NOL4L: variants seen among roughly 807,000 people sequenced by gnomAD.
NOL4L encodes the protein nucleolar protein 4-like.
A neutral mutation model predicts 64.5 loss-of-function variants in NOL4L; 7 were observed. The observed-to-expected ratio is 0.11, with a 90% CI of 0.06 to 0.20. The LOEUF (loss-of-function observed/expected upper bound fraction) is 0.20. NOL4L is among the 10% of genes least tolerant of loss of function. The probability of loss-of-function intolerance (pLI) is 1.00; values close to 1 mark genes in which losing one functional copy is unlikely to be tolerated. For synonymous variants in NOL4L, 413 were observed against 401.0 expected, an observed-to-expected ratio of 1.03 and a Z score of -0.36; for missense variants, 680 against 967.1, an observed-to-expected ratio of 0.70 and a Z score of 3.94.
chr20:32,562,106 G>A (rs1317974047), intron 1 of NOL4L, among the ~76,000 whole-genome samples: 1 of 152,182 alleles, frequency 6.6e-6, no homozygotes, highest in Non-Finnish European at 1.5e-5. Flanking sequence ...ATGCCGTCAG[G>A]ACTATTTCAT....
intron 2 of NOL4L, among the ~76,000 whole-genome samples, chr20:32,522,849 G>A (rs1389708062): frequency 6.6e-6 from 1 of 152,224 alleles, no homozygotes; most frequent in African/African-American, 2.4e-5. Flanking sequence ...GAGGGCCCGG[G>A]GGAGGGTTGC....
At chr20:32,486,359 C>A (rs1043057495) in intron 4 of NOL4L, among the ~76,000 whole-genome samples, 2 of 152,210 alleles carry the variant, frequency 1.3e-5, no homozygotes, top group Admixed American at 6.5e-5. Flanking sequence ...TGGTAGGAGA[C>A]CATGGCAGAG....
intron 1 of NOL4L, among the ~76,000 whole-genome samples, chr20:32,582,815 G>T (rs920275336): frequency 5.3e-5 from 8 of 152,162 alleles, no homozygotes; most frequent in Admixed American, 2.0e-4. Flanking sequence ...CCCTCCGGCG[G>T]GGGGCAGTGA....
chr20:32,500,454 T>C (rs1184792675), intron 4 of NOL4L, among the ~76,000 whole-genome samples: 1 of 150,972 alleles, frequency 6.6e-6, no homozygotes, highest in East Asian at 1.9e-4. Flanking sequence ...CCCGGGTTCA[T>C]GCCATTCTTC....
chr20:32,540,087 A>G (rs2018626618), intron 1 of NOL4L, among the ~76,000 whole-genome samples: 1 of 151,974 alleles, frequency 6.6e-6, no homozygotes, highest in South Asian at 2.1e-4. Flanking sequence ...ATTTTTTTCC[A>G]TTTGCCGGTC....
At position 32,585,258 on chromosome 20, in the gene NOL4L, G is replaced by A. The variant is rs1039881961; in HGVS notation, c.-368C>T. ...GAGGCGGGAGGCGGGGAGCGGCCCCGAGCGCTGGGAGCGAGACCGAGCCTG... is the reference window on the plus strand; with the variant it reads ...GAGGCGGGAGGCGGGGAGCGGCCCCAAGCGCTGGGAGCGAGACCGAGCCTG... On this transcript the variant is annotated 5_prime_UTR_variant, in exon 1 of 11. Transcript: ENST00000621426. 6.9e-5 allele frequency among the ~76,000 whole-genome samples: 10 copies of A among 144,188 alleles called. No individual in the cohort carries two copies. Among genetic ancestry groups the A allele is most frequent in the Non-Finnish European group, 1.5e-4 (10 of 64,900 alleles). The allele number at this position is 144,188 out of a possible 152,430, so 94.6% of individuals were successfully genotyped here.
intron 1 of NOL4L, among the ~76,000 whole-genome samples, chr20:32,578,134 AGGAAGGAGGGAGGGAG>A (rs1432010897): frequency 3.9e-5 from 3 of 76,874 alleles, no homozygotes; most frequent in African/African-American, 2.2e-4. Context: ...GAAGGAAGGA[AGGAAGGAGGGAGGGAG>A]GGAGGGAGGG....
intron 4 of NOL4L, among the ~76,000 whole-genome samples, chr20:32,488,880 T>TTTCTTTCTTTCTTTC (rs1568649590): frequency 5.0e-5 from 5 of 99,938 alleles, no homozygotes; most frequent in African/African-American, 2.4e-4. Flanking sequence ...TCTTTCTTTC[T>TTTCTTTCTTTCTTTC]TTCTTTCTTT....
At chr20:32,488,847 C>CT (rs1407463706) in intron 4 of NOL4L, among the ~76,000 whole-genome samples, 1 of 66,194 alleles carries the variant, frequency 1.5e-5, no homozygotes, top group African/African-American at 1.1e-4. Flanking sequence ...TTCTTTCTTT[C>CT]TTTCTTTCTT....
chr20:32,460,570 G>A lies in NOL4L; in HGVS notation c.842-4175C>T, dbSNP rs555155852. Among the ~76,000 whole-genome samples the A allele has an allele frequency of 6.6e-5, 10 of 152,334 alleles. No homozygotes were observed. Among genetic ancestry groups the A allele is most frequent in the South Asian group, 4.1e-4 (2 of 4,826 alleles). ...TCCTTTCAGAGTGGGTCCCACAGCC[G>A]TAAAACACGGTTCTAAGGTGAGGAT... On this transcript the variant is annotated intron_variant, in intron 5 of 10. Coordinates refer to ENST00000621426, the MANE Select transcript of NOL4L (RefSeq NM_001256798.2). This position sits in a 1 kb window ranked among gnomAD's most constrained non-coding sequence, Gnocchi z 5.7.
intron 4 of NOL4L, among the ~76,000 whole-genome samples, chr20:32,483,866 G>A (rs1453515749): frequency 1.5e-5 from 2 of 136,348 alleles, no homozygotes; most frequent in Non-Finnish European, 3.2e-5. Context: ...GCTGGGCCAG[G>A]TAGGGGGGGA....
At chr20:32,513,689 C>T (rs2017514628) in intron 3 of NOL4L, among the ~76,000 whole-genome samples, 1 of 151,978 alleles carries the variant, frequency 6.6e-6, no homozygotes, top group Non-Finnish European at 1.5e-5. Flanking sequence ...ATAGTGAGTC[C>T]CTCGTCTCTA....
chr20:32,541,002 AC>A (rs1332089770), intron 1 of NOL4L, among the ~76,000 whole-genome samples: 1 of 47,324 alleles, frequency 2.1e-5, no homozygotes, highest in Non-Finnish European at 3.9e-5. Flanking sequence ...CTGCCTCGCC[AC>A]CCCCTACACA....
At chr20:32,499,060 G>A (rs1463466151) in intron 4 of NOL4L, among the ~76,000 whole-genome samples, 3 of 152,108 alleles carry the variant, frequency 2.0e-5, no homozygotes, top group Non-Finnish European at 4.4e-5. Context: ...TGTATTTTTA[G>A]TAGAGACGGG....
chr20:32,465,396 C>A (rs556995808), intron 5 of NOL4L, among the ~76,000 whole-genome samples: 37 of 152,332 alleles, frequency 2.4e-4, no homozygotes, highest in African/African-American at 6.7e-4. Context: ...CCCATCTGTA[C>A]TGTGGGACAA....
chr20:32,574,868 G>A (rs945977398), intron 1 of NOL4L, among the ~76,000 whole-genome samples: 1 of 151,556 alleles, frequency 6.6e-6, no homozygotes, highest in African/African-American at 2.4e-5. Flanking sequence ...CCCAGATCCT[G>A]CCCCTGCGCC....
intron 4 of NOL4L, among the ~76,000 whole-genome samples, chr20:32,475,645 G>T (rs1005923513): frequency 2.0e-5 from 3 of 152,248 alleles, no homozygotes; most frequent in African/African-American, 7.2e-5. Context: ...GGAGCTGGCT[G>T]TAAAACCAAG....
chr20:32,485,972 G>A (rs1021093086), intron 4 of NOL4L, among the ~76,000 whole-genome samples: 1 of 152,200 alleles, frequency 6.6e-6, no homozygotes, highest in South Asian at 2.1e-4. Context: ...AGCTAGTACC[G>A]CCCAGGAGGG....
chr20:32,579,651 A>G (rs1039220289), intron 1 of NOL4L, among the ~76,000 whole-genome samples: 1 of 152,138 alleles, frequency 6.6e-6, no homozygotes, highest in African/African-American at 2.4e-5. Flanking sequence ...CCCACCCCTC[A>G]GCAGACAGTG....
Sources: allele counts gnomAD v4.1 joint callset (sites outside exome capture counted in the v4.1 genomes callset), GRCh38; gene constraint gnomAD v4.1.1; non-coding constraint Gnocchi (gnomAD v3.1); transcripts MANE v1.5; gene names NCBI Gene and HGNC (gene_info 2026-07-23, HGNC 2026-07-21).